Variants in RGS6 observed in about 807,000 individuals in gnomAD.
The protein encoded by RGS6 is regulator of G protein signaling 6.
In RGS6, 30 loss-of-function variants were observed where a neutral mutation model predicts 78.5. That is an observed-to-expected ratio of 0.38 (90% CI 0.29 to 0.52). The LOEUF (loss-of-function observed/expected upper bound fraction) is 0.52, where lower values mean the gene tolerates loss of function less well. Among genes scored for constraint, RGS6 ranks in the 20% least tolerant of loss-of-function variants. The pLI is 0.85. For synonymous variants in RGS6, 206 were observed against 206.0 expected (o/e 1.00, Z 0.00); for missense variants, 495 against 609.7 (o/e 0.81, Z 1.98).
chr14:72,303,239 G>A (rs962519866), intron 2 of RGS6, among the ~76,000 whole-genome samples: 1 of 152,140 alleles, frequency 6.6e-6, no homozygotes, highest in African/African-American at 2.4e-5. Flanking sequence ...GGTGGCTCAC[G>A]CTTGTAATCC....
At chr14:72,426,096 T>C (rs1057216949) in intron 3 of RGS6, among the ~76,000 whole-genome samples, 1 of 152,164 alleles carries the variant, frequency 6.6e-6, no homozygotes, top group Non-Finnish European at 1.5e-5. Context: ...AATTATAATA[T>C]TTATGTTAAT....
chr14:72,063,058 A>C (rs2093970501), intron 2 of RGS6, among the ~76,000 whole-genome samples: 1 of 152,086 alleles, frequency 6.6e-6, no homozygotes, highest in Non-Finnish European at 1.5e-5. Context: ...TTCTGGCCTC[A>C]AGTGATCTGC....
In RGS6 at chr14:72,362,006, T is replaced by A. The variant is rs183166973; in HGVS notation, c.184+9812T>A. 1.9e-4 allele frequency among the ~76,000 whole-genome samples: 29 copies of A among 152,218 alleles called. 1 individual carries two copies. In the East Asian group the frequency reaches 5.6e-3, roughly 29 times the overall value. The stretch of plus-strand genomic sequence containing the variant: ...GAAGAATGAGAAGATGAAAGGAATA[T>A]TAACTGATTTTATTTATGATTCATC... On this transcript the variant is annotated intron_variant, in intron 3 of 17. Coordinates refer to ENST00000553525, the MANE Select transcript of RGS6 (RefSeq NM_001204424.2).
intron 12 of RGS6, among the ~76,000 whole-genome samples, chr14:72,493,501 GA>G (rs34173663): frequency 0.36 from 55,014 of 151,528 alleles, 10,434 homozygotes; most frequent in East Asian, 0.65. Context: ...TATTGAACTG[GA>G]AAAAAAAATA....
intron 2 of RGS6, among the ~76,000 whole-genome samples, chr14:72,332,971 G>C (rs576346322): frequency 6.6e-6 from 1 of 152,336 alleles, no homozygotes; most frequent in South Asian, 2.1e-4. Context: ...TATATAGCTA[G>C]TCAGGGGCAG....
intron 2 of RGS6, among the ~76,000 whole-genome samples, chr14:72,233,224 G>A (rs774738762): frequency 6.6e-6 from 1 of 152,166 alleles, no homozygotes; most frequent in Non-Finnish European, 1.5e-5. Flanking sequence ...GTAGAGAAGC[G>A]AGTTCCCTAT....
chr14:72,575,601 C>G, the RGS6 span, among the ~76,000 whole-genome samples: 1 of 152,150 alleles, frequency 6.6e-6, no homozygotes, highest in Admixed American at 6.5e-5. Flanking sequence ...AGAAACCTTT[C>G]TCCACCACCT....
chr14:72,476,930 T>C, intron 11 of RGS6, 90 bp downstream of exon 11: 1 of 1,185,508 alleles, frequency 8.4e-7, no homozygotes, highest in South Asian at 1.4e-5. Flanking sequence ...TTGAGCAAGC[T>C]TTGAGTTCCT....
At chr14:72,541,022 T>C (rs2097318860) in intron 17 of RGS6, 2 of 1,302,288 alleles carry the variant, frequency 1.5e-6, no homozygotes, top group Non-Finnish European at 2.0e-6. Context: ...GATTTGAACA[T>C]TGAGCTCAGT....
At chr14:72,301,769 T>C (rs1275357427) in intron 2 of RGS6, among the ~76,000 whole-genome samples, 2 of 152,128 alleles carry the variant, frequency 1.3e-5, no homozygotes, top group Non-Finnish European at 2.9e-5. Flanking sequence ...TAGAAGCATC[T>C]CTCCCACCTC....
intron 8 of RGS6, among the ~76,000 whole-genome samples, chr14:72,470,834 G>A (rs1042463769): frequency 4.0e-5 from 6 of 149,808 alleles, no homozygotes; most frequent in South Asian, 2.1e-4. Context: ...AGCTGAGATC[G>A]TGACATTGCA....
intron 2 of RGS6, among the ~76,000 whole-genome samples, chr14:72,321,621 T>C (rs1411946810): frequency 6.6e-6 from 1 of 151,998 alleles, no homozygotes; most frequent in African/African-American, 2.4e-5. Flanking sequence ...AAGACAATTG[T>C]GTGATAAGAT....
chr14:71,914,874 A>G, the RGS6 span, among the ~76,000 whole-genome samples: 3 of 151,900 alleles, frequency 2.0e-5, no homozygotes, highest in Non-Finnish European at 2.9e-5. Flanking sequence ...TTAAGAGTAG[A>G]TATCTGTAGA....
intron 2 of RGS6, among the ~76,000 whole-genome samples, chr14:72,048,561 T>A (rs2093024934): frequency 6.6e-6 from 1 of 152,190 alleles, no homozygotes; most frequent in Admixed American, 6.5e-5. Context: ...GTGCTTTCCA[T>A]GAGGTATTTA....
the RGS6 span, among the ~76,000 whole-genome samples, chr14:71,896,942 TCA>T: frequency 6.6e-6 from 1 of 152,242 alleles, no homozygotes; most frequent in Non-Finnish European, 1.5e-5. Flanking sequence ...TCTTGATTCC[TCA>T]CACCTGTGTA....
In RGS6 at chr14:72,505,918, C is replaced by T. The variant is rs1439768618; in HGVS notation, c.966-4236C>T. 1.1e-3 allele frequency among the ~76,000 whole-genome samples: 160 copies of T among 152,228 alleles called. 1 individual carries two copies. Among genetic ancestry groups the T allele is most frequent in the Non-Finnish European group, 4.4e-5 (3 of 68,044 alleles). On this transcript the variant is annotated intron_variant, in intron 13 of 17. Transcript: ENST00000553525. Reference sequence around the variant, plus strand: ...TTCTTGTCCTCAGTTTGGTAACTTTCCTCCATCTCTAGCTGGGGGATCAGC... The same window carrying T: ...TTCTTGTCCTCAGTTTGGTAACTTTTCTCCATCTCTAGCTGGGGGATCAGC...
intron 13 of RGS6, among the ~76,000 whole-genome samples, chr14:72,509,543 C>T (rs573211312): frequency 6.6e-6 from 1 of 152,286 alleles, no homozygotes; most frequent in African/African-American, 2.4e-5. Flanking sequence ...TGTGAGGACT[C>T]AGTGGGTTAA....
intron 17 of RGS6, among the ~76,000 whole-genome samples, chr14:72,557,879 G>C (rs1460936178): frequency 6.6e-6 from 1 of 152,164 alleles, no homozygotes; most frequent in Non-Finnish European, 1.5e-5. Context: ...GTACTGGAGG[G>C]GGAAGCATTG....
At chr14:72,172,199 G>A (rs1260243145) in intron 2 of RGS6, among the ~76,000 whole-genome samples, 1 of 151,696 alleles carries the variant, frequency 6.6e-6, no homozygotes, top group East Asian at 1.9e-4. Flanking sequence ...GAACTGTGAC[G>A]ATTTAAGATG....
Sources: allele counts gnomAD v4.1 joint callset (sites outside exome capture counted in the v4.1 genomes callset), GRCh38; gene constraint gnomAD v4.1.1; transcripts MANE v1.5; gene names NCBI Gene and HGNC (gene_info 2026-07-23, HGNC 2026-07-21).